NIM1K: variants seen among roughly 807,000 people sequenced by gnomAD.
NIM1K encodes the protein NIM1 serine/threonine protein kinase.
NIM1K carries 35 observed loss-of-function variants against 37.1 expected under a neutral mutation model. The observed-to-expected ratio is 0.94, with a 90% CI of 0.72 to 1.25. The LOEUF (loss-of-function observed/expected upper bound fraction) is 1.25. Ranked by LOEUF, NIM1K falls within the 50% of genes most tolerant of loss-of-function variation. NIM1K has a pLI of 0.00. For synonymous variants in NIM1K, 234 were observed against 206.6 expected (o/e 1.13, Z -1.14); for missense variants, 564 against 548.0 (o/e 1.03, Z -0.29).
chr5:43,260,955 A>G (rs536010832), intron 2 of NIM1K, among the ~76,000 whole-genome samples: 35 of 152,128 alleles, frequency 2.3e-4, no homozygotes, highest in African/African-American at 7.7e-4. Context: ...CTTTTTTATG[A>G]CTGCATAGTA....
chr5:43,232,008 G>A, intron 1 of NIM1K: 4 of 1,038,092 alleles, frequency 3.9e-6, no homozygotes, highest in Non-Finnish European at 5.8e-6. Flanking sequence ...GGTGAGCCCA[G>A]GCCTCAGCAA....
chr5:43,196,614 G>A (rs1010985942), intron 1 of NIM1K, among the ~76,000 whole-genome samples: 8 of 151,936 alleles, frequency 5.3e-5, no homozygotes, highest in Non-Finnish European at 4.4e-5. Context: ...CAGCCTGGGC[G>A]ACAGAGCGAG....
intron 1 of NIM1K, among the ~76,000 whole-genome samples, chr5:43,224,848 A>G (rs546056321): frequency 2.5e-4 from 38 of 152,124 alleles, no homozygotes; most frequent in Non-Finnish European, 5.9e-5. Flanking sequence ...GGCGTCCACC[A>G]TCACACCCAG....
At chr5:43,262,819 G>T (rs552924843) in intron 2 of NIM1K, among the ~76,000 whole-genome samples, 5 of 152,042 alleles carry the variant, frequency 3.3e-5, no homozygotes, top group African/African-American at 7.2e-5. Context: ...TAGCATGAAG[G>T]GTTGTTGAAT....
intron 2 of NIM1K, among the ~76,000 whole-genome samples, chr5:43,251,789 T>C (rs1277838657): frequency 2.0e-5 from 3 of 152,232 alleles, no homozygotes; most frequent in Admixed American, 6.5e-5. Flanking sequence ...CACATCTACA[T>C]AAACTCTCAA....
intron 2 of NIM1K, among the ~76,000 whole-genome samples, chr5:43,270,008 T>G (rs1036206688): frequency 6.6e-6 from 1 of 152,204 alleles, no homozygotes; most frequent in African/African-American, 2.4e-5. Context: ...GTTTCAAGAT[T>G]TAGAAGTCCT....
intron 1 of NIM1K, among the ~76,000 whole-genome samples, chr5:43,236,806 G>A (rs1484784063): frequency 6.6e-6 from 1 of 152,258 alleles, no homozygotes; most frequent in Admixed American, 6.5e-5. Flanking sequence ...CCTGGGCTGA[G>A]TAGCCCCGCT....
Position 43,245,072 on chromosome 5 carries a change from C to G in NIM1K, c.-694-10C>G, listed in dbSNP as rs951495390. On this transcript the variant is annotated splice_polypyrimidine_tract_variant and intron_variant, in intron 1 of 3. Coordinates refer to ENST00000326035, the MANE Select transcript of NIM1K (RefSeq NM_153361.4). Reference sequence around the variant, plus strand: ...CATAGGCTAATAAATTTCTTACTCTCTATTCTTAGGTTGAACCAGCCAAAT... The same window carrying G: ...CATAGGCTAATAAATTTCTTACTCTGTATTCTTAGGTTGAACCAGCCAAAT... 1.3e-5 allele frequency: 2 copies of G among 152,222 alleles called. No individual in the cohort carries two copies. Among genetic ancestry groups the G allele is most frequent in the Admixed American group, 6.5e-5 (1 of 15,288 alleles). The allele number at this position is 152,222 out of a possible 1,614,324, so 9.4% of individuals were successfully genotyped here.
intron 1 of NIM1K, among the ~76,000 whole-genome samples, chr5:43,205,844 C>A (rs896906213): frequency 1.3e-5 from 2 of 152,100 alleles, no homozygotes; most frequent in Non-Finnish European, 2.9e-5. Context: ...TCCCGAGTAG[C>A]TGGGACTACA....
At chr5:43,201,811 T>A (rs1001049384) in intron 1 of NIM1K, among the ~76,000 whole-genome samples, 16 of 151,766 alleles carry the variant, frequency 1.1e-4, no homozygotes, top group African/African-American at 3.9e-4. Context: ...ATACAAAAAT[T>A]AGCTGGGCGT....
At chr5:43,215,678 C>CAT in intron 1 of NIM1K, among the ~76,000 whole-genome samples, 1 of 152,196 alleles carries the variant, frequency 6.6e-6, no homozygotes, top group African/African-American at 2.4e-5. Context: ...AAGTGATCTG[C>CAT]CCACCTGGGC....
intron 1 of NIM1K, chr5:43,206,584 T>A: frequency 5.5e-6 from 3 of 547,956 alleles, no homozygotes; most frequent in Non-Finnish European, 9.8e-6. Flanking sequence ...GAAGGCTGAA[T>A]AAGAAACGAG....
intron 1 of NIM1K, among the ~76,000 whole-genome samples, chr5:43,201,613 T>C (rs1752021520): frequency 6.6e-6 from 1 of 150,676 alleles, no homozygotes; most frequent in Non-Finnish European, 1.5e-5. Context: ...AAGCCAAATA[T>C]ATTTTTTTTT....
chr5:43,205,791 C>A (rs10045460), intron 1 of NIM1K, among the ~76,000 whole-genome samples: 1 of 152,080 alleles, frequency 6.6e-6, no homozygotes, highest in Non-Finnish European at 1.5e-5. Context: ...TGGCTCACTG[C>A]AAGCTCCACC....
At chr5:43,277,576 T>C (rs1753364589) in intron 3 of NIM1K, among the ~76,000 whole-genome samples, 1 of 152,110 alleles carries the variant, frequency 6.6e-6, no homozygotes, top group African/African-American at 2.4e-5. Context: ...GAGCAGCTGA[T>C]GAATATCACC....
chr5:43,237,227 C>T (rs1231888575), intron 1 of NIM1K, among the ~76,000 whole-genome samples: 1 of 152,204 alleles, frequency 6.6e-6, no homozygotes, highest in African/African-American at 2.4e-5. Context: ...TCAGAGAGAA[C>T]AAAGGTGAGA....
intron 1 of NIM1K, among the ~76,000 whole-genome samples, chr5:43,237,504 A>G (rs1752638710): frequency 6.6e-6 from 1 of 152,204 alleles, no homozygotes; most frequent in Non-Finnish European, 1.5e-5. Context: ...AACAACAAAA[A>G]ACTCACTTAC....
intron 2 of NIM1K, among the ~76,000 whole-genome samples, chr5:43,266,944 C>A (rs2112293471): frequency 6.6e-6 from 1 of 152,288 alleles, no homozygotes; most frequent in Non-Finnish European, 1.5e-5. Context: ...GGGTTTGACA[C>A]AGGGTGATAC....
chr5:43,277,266 C>G lies in NIM1K; in HGVS notation c.502C>G (p.Leu168Val). Reference sequence around the variant, plus strand: ...CGGAAAAATTAGCACTGAGGGGAAGCTCTCTGAACCAGAAAGCAAGCTCAT... The same window carrying G: ...CGGAAAAATTAGCACTGAGGGGAAGGTCTCTGAACCAGAAAGCAAGCTCAT... ...LFGKISTEGKLSEPESKLIFS... is the reference protein window; with the variant it reads ...LFGKISTEGKVSEPESKLIFS... Residue 168 changes from leucine (L) to valine (V), a missense_variant, in exon 3 of 4, where the codon CTC becomes GTC. Leu to Val is a conservative substitution (Grantham distance 32). Transcript: ENST00000326035. 1 of 1,614,090 alleles carries G rather than the reference C, an allele frequency of 6.2e-7. No homozygotes were observed. The highest frequency in any genetic ancestry group is 8.5e-7 in the Non-Finnish European group (1 of 1,180,006).
Sources: allele counts gnomAD v4.1 joint callset (sites outside exome capture counted in the v4.1 genomes callset), GRCh38; gene constraint gnomAD v4.1.1; transcripts MANE v1.5; gene names NCBI Gene and HGNC (gene_info 2026-07-23, HGNC 2026-07-21).